The following PITPNM2 variants were observed in gnomAD, a reference collection of about 807,000 sequenced individuals.
PITPNM2 encodes phosphatidylinositol transfer protein membrane associated 2.
A neutral mutation model predicts 132.2 loss-of-function variants in PITPNM2; 35 were observed. The observed-to-expected ratio is 0.26, with a 90% CI of 0.20 to 0.35. The LOEUF is 0.35. PITPNM2 is among the 10% of genes least tolerant of loss of function. The pLI is 1.00. For missense variants in PITPNM2, 1,332 were observed against 1,912.0 expected (o/e 0.70, Z 5.66); for synonymous variants, 738 against 799.2 (o/e 0.92, Z 1.29).
chr12:123,074,631 C>G (rs568722321), intron 2 of PITPNM2, among the ~76,000 whole-genome samples: 1 of 151,128 alleles, frequency 6.6e-6, no homozygotes, highest in African/African-American at 2.4e-5. Flanking sequence ...ACCCACCCAC[C>G]CACACACACA....
At chr12:123,123,612 T>A (rs1475527300) in intron 1 of PITPNM2, among the ~76,000 whole-genome samples, 1 of 150,382 alleles carries the variant, frequency 6.6e-6, no homozygotes, top group Non-Finnish European at 1.5e-5. Flanking sequence ...CCTCTCTCTC[T>A]CAAAAAAAAC....
At position 122,986,484 on chromosome 12, in the gene PITPNM2, C is replaced by G. The variant is rs1306222326; in HGVS notation, c.3678G>C (p.Gln1226His). 1.3e-6 allele frequency: 2 copies of G among 1,587,904 alleles called. No homozygotes were observed. Among genetic ancestry groups the G allele is most frequent in the Admixed American group, 3.6e-5 (2 of 55,592 alleles). Reference sequence around the variant, plus strand: ...TGGTGGGCCGGCCCACGATGTAGATCTGCATGGGGGACAGGCTAATGGCGC... The same window carrying G: ...TGGTGGGCCGGCCCACGATGTAGATGTGCATGGGGGACAGGCTAATGGCGC... ...VYSAISLSPM[Q>H]IYIVGRPTKK... The change falls in exon 25 of 26, where the codon CAG becomes CAC. Residue 1226 changes from glutamine (Q) to histidine (H), a missense_variant. Transcript: ENST00000320201.
rs1011129595 is a variant in PITPNM2, at chr12:123,036,051, C to G, written c.-95-1366G>C. On this transcript the variant is annotated intron_variant, in intron 2 of 25. Coordinates refer to ENST00000320201, the MANE Select transcript of PITPNM2 (RefSeq NM_020845.3). The surrounding 1 kb of genome is among the most constrained non-coding windows in gnomAD (Gnocchi z 4.1). ...ACGGTAGTATTTTAGCAAGACTACT[C>G]CAAGGACAGCAGCCAGGGAGGATTC... Among the ~76,000 whole-genome samples the G allele has an allele frequency of 2.0e-5, 3 of 152,024 alleles. No individual in the cohort carries two copies. The highest frequency in any genetic ancestry group is 2.9e-5 in the Non-Finnish European group (2 of 68,010).
In PITPNM2 at chr12:123,075,232, T is replaced by A. The variant is rs374819065; in HGVS notation, c.-96+35153A>T. 3.7e-4 allele frequency among the ~76,000 whole-genome samples: 56 copies of A among 152,312 alleles called. 1 individual carries two copies. In the Middle Eastern group the frequency reaches 0.014, roughly 37 times the overall value. On this transcript the variant is annotated intron_variant, in intron 2 of 25. Transcript: ENST00000320201. The stretch of plus-strand genomic sequence containing the variant: ...TGTTCAGGAAACTCACAAGAGAGAC[T>A]GGGGGAGAGTTTAATGTTCATGAGC...
chr12:123,053,868 C>T (rs949800020), intron 2 of PITPNM2, among the ~76,000 whole-genome samples: 3 of 152,112 alleles, frequency 2.0e-5, no homozygotes, highest in African/African-American at 7.2e-5. Flanking sequence ...TACAAAACTA[C>T]AATATTACTA....
At chr12:123,039,865 G>T (rs2040402075) in intron 2 of PITPNM2, among the ~76,000 whole-genome samples, 1 of 152,208 alleles carries the variant, frequency 6.6e-6, no homozygotes, top group Non-Finnish European at 1.5e-5. Flanking sequence ...AGTTTAGGTG[G>T]CTCACGCCTT....
chr12:122,988,975 C>T, intron 18 of PITPNM2, 103 bp from the exon 19 acceptor site: 1 of 1,283,376 alleles, frequency 7.8e-7, no homozygotes, highest in Non-Finnish European at 1.0e-6. Flanking sequence ...CACAGTCCCC[C>T]CACCAGCTAT....
At chr12:123,061,140 G>A (rs953624594) in intron 2 of PITPNM2, among the ~76,000 whole-genome samples, 2 of 152,184 alleles carry the variant, frequency 1.3e-5, no homozygotes, top group African/African-American at 4.8e-5. Flanking sequence ...AGAGCCCAGA[G>A]CCTCTGCCTC....
Position 122,992,556 on chromosome 12 carries a change from A to G in PITPNM2, c.2347T>C (p.Phe783Leu). Residue 783 changes from phenylalanine to leucine, a missense_variant, in exon 16 of 26, where the codon TTC becomes CTC. By Grantham distance (22) the Phe-to-Leu change is conservative. Transcript: ENST00000320201. The surrounding 1 kb of genome is among the most constrained non-coding windows in gnomAD (Gnocchi z 6.5). ...TAGCGTTGGTAGCGGGGGACGCTGA[A>G]AGGCGGCAGGGCGTGAAAGCGCCGT... ...LERRFHALPP[F>L]SVPRYQRYPL... The G allele has an allele frequency of 6.2e-7, 1 of 1,611,614 alleles. No individual in the cohort carries two copies. Among genetic ancestry groups the G allele is most frequent in the South Asian group, 1.1e-5 (1 of 90,994 alleles).
At chr12:123,138,974 C>A (rs1288333234) in intron 1 of PITPNM2, among the ~76,000 whole-genome samples, 2 of 151,416 alleles carry the variant, frequency 1.3e-5, no homozygotes, top group East Asian at 3.9e-4. Context: ...CCTGTCTCTA[C>A]AAAAAATTAG....
At chr12:123,073,199 C>G (rs913962062) in intron 2 of PITPNM2, among the ~76,000 whole-genome samples, 1 of 152,214 alleles carries the variant, frequency 6.6e-6, no homozygotes, top group Non-Finnish European at 1.5e-5. Context: ...AATGGATGAG[C>G]CTTTTTTCTT....
chr12:123,095,066 G>A lies in PITPNM2; in HGVS notation c.-96+15319C>T, dbSNP rs2042371157. Among the ~76,000 whole-genome samples, 1 of 152,200 alleles carries A rather than the reference G, an allele frequency of 6.6e-6. No homozygotes were observed. Among genetic ancestry groups the A allele is most frequent in the Admixed American group, 6.5e-5 (1 of 15,292 alleles). The stretch of plus-strand genomic sequence containing the variant: ...TTGGTCACTTCTTTTTCGGGGCACT[G>A]GGGCTCACAGCACGGCAGTGCGTCC... On this transcript the variant is annotated intron_variant, in intron 2 of 25. Coordinates refer to ENST00000320201, the MANE Select transcript of PITPNM2 (RefSeq NM_020845.3). The surrounding 1 kb of genome is among the most constrained non-coding windows in gnomAD (Gnocchi z 5.0).
intron 3 of PITPNM2, among the ~76,000 whole-genome samples, chr12:123,033,109 A>C (rs1323446383): frequency 6.6e-6 from 1 of 152,244 alleles, no homozygotes; most frequent in Non-Finnish European, 1.5e-5. Context: ...CCCCACACCA[A>C]CGACTCAGTC....
intron 1 of PITPNM2, among the ~76,000 whole-genome samples, chr12:123,147,812 C>G (rs2043648617): frequency 6.6e-6 from 1 of 152,182 alleles, no homozygotes; most frequent in South Asian, 2.1e-4. Context: ...CTCTGTGTGT[C>G]TTAACTTCTT....
chr12:122,984,528 C>T lies in PITPNM2; in HGVS notation c.*1499G>A, dbSNP rs1378585298. On this transcript the variant is annotated 3_prime_UTR_variant, in exon 26 of 26. Coordinates refer to ENST00000320201, the MANE Select transcript of PITPNM2 (RefSeq NM_020845.3). ...ACCCTGAAGGTTCCATCCCTCCAGA[C>T]TTTTTTCTCTGCACAAAATAAATAG... 1.3e-5 allele frequency: 2 copies of T among 152,368 alleles called. No individual in the cohort carries two copies. The highest frequency in any genetic ancestry group is 2.9e-5 in the Non-Finnish European group (2 of 68,040). The allele number at this position is 152,368 out of a possible 1,614,324, so 9.4% of individuals were successfully genotyped here. A position where few individuals can be genotyped will look rare whatever the true frequency, so the allele number is the denominator to read the frequency against.
chr12:123,032,143 A>C (rs564714192), intron 3 of PITPNM2, among the ~76,000 whole-genome samples: 1 of 152,356 alleles, frequency 6.6e-6, no homozygotes, highest in East Asian at 1.9e-4. Context: ...TATGATGCTT[A>C]ACAGTTACAT....
At chr12:123,122,655 C>A (rs2043054985) in intron 1 of PITPNM2, among the ~76,000 whole-genome samples, 1 of 152,122 alleles carries the variant, frequency 6.6e-6, no homozygotes. Flanking sequence ...TAGCTGCTGC[C>A]CCCACCCTTT....
intron 18 of PITPNM2, among the ~76,000 whole-genome samples, 190 bp downstream of exon 18, chr12:122,989,597 G>A (rs1345661649): frequency 6.6e-6 from 1 of 152,120 alleles, no homozygotes; most frequent in Non-Finnish European, 1.5e-5. Context: ...GCTCCGTGGG[G>A]TCCCTGGTCC....
chr12:123,047,488 C>A (rs1411426793), intron 2 of PITPNM2, among the ~76,000 whole-genome samples: 4 of 152,160 alleles, frequency 2.6e-5, no homozygotes, highest in Non-Finnish European at 5.9e-5. Context: ...CCCTAGGTGG[C>A]TTAGATCAAC....
Sources: gnomAD v4.1 joint callset for allele counts (sites outside exome capture counted in the v4.1 genomes callset) on GRCh38, gnomAD v4.1.1 for gene constraint, Gnocchi (gnomAD v3.1) non-coding constraint, MANE v1.5 for transcripts, NCBI Gene and HGNC (gene_info 2026-07-23, HGNC 2026-07-21) for gene names.